GALNT17: variants seen among roughly 807,000 people sequenced by gnomAD.
GALNT17 encodes UDP-GalNAc:polypeptide N-acetylgalactosaminyltransferase-like 3.
In GALNT17, 29 loss-of-function variants were observed where a neutral mutation model predicts 63.7. The ratio of observed to expected loss-of-function variants is 0.46; its 90% CI spans 0.34 to 0.62. The LOEUF is 0.62. GALNT17 is among the 20% of genes least tolerant of loss of function. GALNT17 has a pLI of 0.01. For missense variants in GALNT17, 603 were observed against 799.6 expected, an observed-to-expected ratio of 0.75 and a Z score of 2.97; for synonymous variants, 305 against 318.3, an observed-to-expected ratio of 0.96 and a Z score of 0.45.
At chr7:71,670,911 T>C (rs940669619) in intron 8 of GALNT17, among the ~76,000 whole-genome samples, 7 of 151,982 alleles carry the variant, frequency 4.6e-5, no homozygotes, top group Non-Finnish European at 7.4e-5. Flanking sequence ...TGCGTGTGTG[T>C]GTGTGCATGT....
chr7:71,339,323 A>G (rs1021757884), intron 2 of GALNT17, among the ~76,000 whole-genome samples: 3 of 152,198 alleles, frequency 2.0e-5, no homozygotes, highest in Non-Finnish European at 4.4e-5. Context: ...TTCACACAGC[A>G]TGTGCAGTGA....
intron 6 of GALNT17, among the ~76,000 whole-genome samples, chr7:71,608,717 G>A (rs1458394422): frequency 1.3e-5 from 2 of 152,034 alleles, no homozygotes; most frequent in Non-Finnish European, 2.9e-5. Flanking sequence ...TGTGAGTAGT[G>A]AGGGCTTGAA....
At chr7:71,448,479 A>G (rs562832713) in intron 5 of GALNT17, among the ~76,000 whole-genome samples, 1 of 151,138 alleles carries the variant, frequency 6.6e-6, no homozygotes, top group South Asian at 2.1e-4. Context: ...TTCATCTTTT[A>G]TCTTTTGTCT....
chr7:71,192,723 A>C (rs1415039620), intron 1 of GALNT17, among the ~76,000 whole-genome samples: 1 of 152,096 alleles, frequency 6.6e-6, no homozygotes, highest in Non-Finnish European at 1.5e-5. Context: ...CTGCCAAATA[A>C]ATTTAGAAAA....
intron 5 of GALNT17, among the ~76,000 whole-genome samples, chr7:71,500,683 C>G (rs1368998338): frequency 6.6e-6 from 1 of 152,186 alleles, no homozygotes; most frequent in Non-Finnish European, 1.5e-5. Flanking sequence ...CATTACTACT[C>G]TTTCTTCCAG....
intron 1 of GALNT17, among the ~76,000 whole-genome samples, chr7:71,255,467 G>A (rs1790272371): frequency 6.6e-6 from 1 of 152,178 alleles, no homozygotes; most frequent in South Asian, 2.1e-4. Flanking sequence ...TCTTGGATAT[G>A]TCTTTGTCAG....
chr7:71,571,359 G>A lies in GALNT17; in HGVS notation c.1037G>A (p.Gly346Asp). Residue 346 changes from glycine (G) to aspartate (D), a missense_variant, in exon 6 of 11, where the codon GGC becomes GAC. Physicochemically the swap from Gly to Asp is moderately conservative, Grantham distance 94 (BLOSUM62 -1). Transcript: ENST00000333538. ...GGTGAAATTGGTCTTCTGGATCCTG[G>A]CATGGATGTATACGGAGGAGAAAAT... ...FFGEIGLLDP[G>D]MDVYGGENIE... The A allele has an allele frequency of 6.2e-7, 1 of 1,614,060 alleles. No homozygotes were observed. The highest frequency in any genetic ancestry group is 1.7e-5 in the Admixed American group (1 of 60,018).
intron 1 of GALNT17, among the ~76,000 whole-genome samples, chr7:71,306,982 C>A (rs1326891631): frequency 6.6e-6 from 1 of 152,088 alleles, no homozygotes; most frequent in African/African-American, 2.4e-5. Context: ...CACCACCACA[C>A]CTGGCTAATT....
chr7:71,507,452 A>G (rs1219275515), intron 5 of GALNT17, among the ~76,000 whole-genome samples: 2 of 152,302 alleles, frequency 1.3e-5, no homozygotes, highest in South Asian at 2.1e-4. Flanking sequence ...GTGATTTCTG[A>G]TTTCTGGAGA....
chr7:71,455,591 A>C (rs894844307), intron 5 of GALNT17, among the ~76,000 whole-genome samples: 5 of 151,940 alleles, frequency 3.3e-5, no homozygotes, highest in African/African-American at 1.2e-4. Flanking sequence ...ACTATGAGGA[A>C]AGCGCTGTGC....
At chr7:71,329,907 A>G (rs1277863368) in intron 1 of GALNT17, among the ~76,000 whole-genome samples, 2 of 130,266 alleles carry the variant, frequency 1.5e-5, no homozygotes. Context: ...ATATATGTAT[A>G]TATATATGTA....
intron 5 of GALNT17, among the ~76,000 whole-genome samples, chr7:71,527,107 T>G (rs1392290685): frequency 1.3e-5 from 2 of 152,236 alleles, no homozygotes; most frequent in Non-Finnish European, 2.9e-5. Context: ...TAGAAGGCAT[T>G]CAGGCTGTTT....
intron 5 of GALNT17, among the ~76,000 whole-genome samples, chr7:71,551,858 T>C (rs1789082797): frequency 1.3e-5 from 2 of 151,842 alleles, no homozygotes; most frequent in Admixed American, 1.3e-4. Flanking sequence ...CTAGTGAGAA[T>C]TTTTGTTTAC....
chr7:71,453,775 G>A (rs1319317736), intron 5 of GALNT17, among the ~76,000 whole-genome samples: 1 of 152,150 alleles, frequency 6.6e-6, no homozygotes, highest in Non-Finnish European at 1.5e-5. Context: ...CCAGACTTCC[G>A]CTCTTGACTG....
intron 1 of GALNT17, among the ~76,000 whole-genome samples, chr7:71,328,882 A>G (rs1212661810): frequency 1.3e-5 from 2 of 152,054 alleles, no homozygotes; most frequent in African/African-American, 4.8e-5. Context: ...TTGGTGGGAT[A>G]TGCATGCATG....
chr7:71,542,334 A>G lies in GALNT17; in HGVS notation c.963-28951A>G, dbSNP rs10274514. 3.1e-3 allele frequency among the ~76,000 whole-genome samples: 467 copies of G among 152,210 alleles called. 2 individuals carry two copies. The highest frequency in any genetic ancestry group is 0.011 in the African/African-American group (448 of 41,524). On this transcript the variant is annotated intron_variant, in intron 5 of 10. Coordinates refer to ENST00000333538, the MANE Select transcript of GALNT17 (RefSeq NM_022479.3). ...AGTATTAACTGTTGCATTTATTGGA[A>G]TTTAAAAAAAAAACCTAGAAAATCC... is the stretch of plus-strand genomic sequence containing the variant.
intron 1 of GALNT17, among the ~76,000 whole-genome samples, chr7:71,139,233 C>T (rs899443308): frequency 5.3e-5 from 8 of 152,042 alleles, no homozygotes; most frequent in African/African-American, 1.7e-4. Flanking sequence ...CAGCACTTTC[C>T]TAATAAGTAA....
At chr7:71,383,858 A>G (rs1364737041) in intron 2 of GALNT17, among the ~76,000 whole-genome samples, 1 of 152,286 alleles carries the variant, frequency 6.6e-6, no homozygotes, top group Admixed American at 6.5e-5. Flanking sequence ...TCATTTGTCT[A>G]TTGATGAACA....
At chr7:71,472,166 A>G (rs912351572) in intron 5 of GALNT17, among the ~76,000 whole-genome samples, 3 of 151,966 alleles carry the variant, frequency 2.0e-5, no homozygotes, top group Non-Finnish European at 1.5e-5. Flanking sequence ...AGAGCTCTCT[A>G]GGGTCCCTTT....
Sources: allele counts gnomAD v4.1 joint callset (sites outside exome capture counted in the v4.1 genomes callset), GRCh38; gene constraint gnomAD v4.1.1; transcripts MANE v1.5; gene names NCBI Gene and HGNC (gene_info 2026-07-23, HGNC 2026-07-21).